The following PHKB variants were observed in gnomAD, a reference collection of about 807,000 sequenced individuals.
PHKB encodes the protein phosphorylase kinase regulatory subunit beta.
Under a neutral mutation model 152.1 loss-of-function variants are expected in PHKB, and 122 were observed. The ratio of observed to expected loss-of-function variants is 0.80; its 90% CI spans 0.69 to 0.93. PHKB has a LOEUF of 0.93. Ranked by LOEUF, PHKB falls within the 40% of genes least tolerant of loss-of-function variation. The probability of loss-of-function intolerance (pLI) is 0.00; values close to 1 mark genes in which losing one functional copy is unlikely to be tolerated. For synonymous variants in PHKB, 436 were observed against 464.9 expected, an observed-to-expected ratio of 0.94 and a Z score of 0.80; for missense variants, 1,304 against 1,328.4, an observed-to-expected ratio of 0.98 and a Z score of 0.29.
At chr16:47,502,776 A>G (rs1490509972) in intron 3 of PHKB, among the ~76,000 whole-genome samples, 2 of 152,252 alleles carry the variant, frequency 1.3e-5, no homozygotes, top group African/African-American at 2.4e-5. Context: ...GCTTCCTTGA[A>G]AGAAGGAAAA....
At chr16:47,602,421 T>C (rs954031493) in intron 13 of PHKB, among the ~76,000 whole-genome samples, 1 of 152,192 alleles carries the variant, frequency 6.6e-6, no homozygotes, top group South Asian at 2.1e-4. Context: ...TTATTTTTCC[T>C]GTAGAAATTA....
chr16:47,639,415 C>G (rs1972977814), intron 14 of PHKB, among the ~76,000 whole-genome samples: 1 of 152,196 alleles, frequency 6.6e-6, no homozygotes, highest in South Asian at 2.1e-4. Flanking sequence ...AATTCTTTCT[C>G]TCAATGGTGA....
intron 8 of PHKB, among the ~76,000 whole-genome samples, chr16:47,584,059 A>G (rs951337003): frequency 1.3e-5 from 2 of 148,698 alleles, no homozygotes; most frequent in Non-Finnish European, 3.0e-5. Context: ...TTATTCAAGG[A>G]AAAAAAAAAC....
chr16:47,609,201 G>A (rs942893024), intron 13 of PHKB, among the ~76,000 whole-genome samples: 17 of 152,110 alleles, frequency 1.1e-4, no homozygotes, highest in African/African-American at 3.6e-4. Context: ...TGGTCTATTA[G>A]TAATTAACTT....
chr16:47,627,906 T>C lies in PHKB; in HGVS notation c.1459-13129T>C, dbSNP rs191808487. Among the ~76,000 whole-genome samples, 558 of 152,300 alleles carry C rather than the reference T, an allele frequency of 3.7e-3. 3 individuals carry two copies. The highest frequency in any genetic ancestry group is 0.018 in the South Asian group (87 of 4,824). ...GGAAAAATACTGGGGGTGCAGTGTT[T>C]CCAGTTGGAATTGAGATGTATAAAG... On this transcript the variant is annotated intron_variant, in intron 14 of 30. Transcript: ENST00000323584.
intron 6 of PHKB, among the ~76,000 whole-genome samples, chr16:47,541,374 A>T (rs1971055708): frequency 6.6e-6 from 1 of 151,940 alleles, no homozygotes; most frequent in South Asian, 2.1e-4. Flanking sequence ...TATGTGCCAC[A>T]TTTTCTTAAT....
chr16:47,545,591 G>C (rs1971146983), intron 6 of PHKB, among the ~76,000 whole-genome samples: 1 of 152,128 alleles, frequency 6.6e-6, no homozygotes, highest in Admixed American at 6.5e-5. Context: ...TCTTTTCGAG[G>C]AGTATCTTTG....
rs541406411 is a variant in PHKB at position 47,643,002 on chromosome 16, C to T, written c.1608+1310C>T. 4.5e-4 allele frequency among the ~76,000 whole-genome samples: 69 copies of T among 152,296 alleles called. No individual in the cohort carries two copies. In the Middle Eastern group the frequency reaches 0.01, roughly 23 times the overall value. On this transcript the variant is annotated intron_variant, in intron 16 of 30. Transcript: ENST00000323584. ...TGTCGGCTGCTAATACACTTTTATG[C>T]TCTCCTGCTGAAAGCTCTAGAGAAC...
intron 7 of PHKB, chr16:47,566,826 T>A: frequency 1.4e-6 from 1 of 722,994 alleles, no homozygotes; most frequent in Non-Finnish European, 2.6e-6. Context: ...AGTCCCTCCA[T>A]CCTCAGCCAG....
intron 7 of PHKB, among the ~76,000 whole-genome samples, chr16:47,562,913 G>GT (rs1272685093): frequency 1.3e-5 from 2 of 152,118 alleles, no homozygotes; most frequent in Admixed American, 6.6e-5. Flanking sequence ...TAAATCCTTT[G>GT]TTGTCAACTC....
At chr16:47,615,895 G>T (rs1369509041) in intron 14 of PHKB, among the ~76,000 whole-genome samples, 1 of 152,164 alleles carries the variant, frequency 6.6e-6, no homozygotes, top group Admixed American at 6.5e-5. Flanking sequence ...TTTTTTAATA[G>T]CAGCTTTATT....
chr16:47,652,578 A>G (rs1034946962), intron 20 of PHKB, among the ~76,000 whole-genome samples: 6 of 151,390 alleles, frequency 4.0e-5, no homozygotes, highest in Non-Finnish European at 8.8e-5. Context: ...TTTTAATACT[A>G]GCCATTCTGA....
At chr16:47,665,792 G>A (rs1443456204) in intron 25 of PHKB, 1 of 713,354 alleles carries the variant, frequency 1.4e-6, no homozygotes, top group Non-Finnish European at 2.6e-6. Flanking sequence ...AATTTCAGCT[G>A]TTAGGTTCAA....
At chr16:47,544,054 A>AT (rs1259164034) in intron 6 of PHKB, among the ~76,000 whole-genome samples, 5 of 152,018 alleles carry the variant, frequency 3.3e-5, no homozygotes, top group African/African-American at 9.7e-5. Context: ...GGATTCATTG[A>AT]TTTTTTGAAG....
intron 13 of PHKB, among the ~76,000 whole-genome samples, chr16:47,604,388 A>G (rs1168682287): frequency 6.6e-6 from 1 of 152,176 alleles, no homozygotes; most frequent in African/African-American, 2.4e-5. Flanking sequence ...TTAATTTTAG[A>G]AAGTCCATCC....
At chr16:47,545,320 A>G (rs542842289) in intron 6 of PHKB, among the ~76,000 whole-genome samples, 1 of 152,078 alleles carries the variant, frequency 6.6e-6, no homozygotes, top group Non-Finnish European at 1.5e-5. Flanking sequence ...TTTGCTTGTC[A>G]GTAAAGGATT....
At chr16:47,610,778 G>C (rs1157329689) in intron 13 of PHKB, 48 bp from the exon 14 acceptor site, 7 of 1,025,458 alleles carry the variant, frequency 6.8e-6, no homozygotes, top group South Asian at 1.3e-5. Context: ...GGTTTATAGT[G>C]TTATGCAAAT....
At chr16:47,610,566 T>C (rs1336523672) in intron 13 of PHKB, among the ~76,000 whole-genome samples, 2 of 152,124 alleles carry the variant, frequency 1.3e-5, no homozygotes, top group Admixed American at 6.5e-5. Context: ...ATGTGTGAAT[T>C]TATAAGATTT....
At chr16:47,649,364 T>C (rs1242300456) in intron 18 of PHKB, among the ~76,000 whole-genome samples, 160 bp downstream of exon 18, 1 of 152,082 alleles carries the variant, frequency 6.6e-6, no homozygotes, top group Non-Finnish European at 1.5e-5. Flanking sequence ...GAGTGTAAAT[T>C]ACTTGCAGCA....
Sources: gnomAD v4.1 joint callset for allele counts (sites outside exome capture counted in the v4.1 genomes callset) on GRCh38, gnomAD v4.1.1 for gene constraint, MANE v1.5 for transcripts, NCBI Gene and HGNC (gene_info 2026-07-23, HGNC 2026-07-21) for gene names.